Variants in EVL observed in about 807,000 individuals in gnomAD.
The protein encoded by EVL is ena/VASP-like protein.
A neutral mutation model predicts 59.6 loss-of-function variants in EVL; 21 were observed. The observed-to-expected ratio is 0.35, with a 90% CI of 0.25 to 0.51. EVL has a LOEUF of 0.51. Ranked by LOEUF, EVL falls within the 20% of genes least tolerant of loss-of-function variation. The pLI is 0.97. For missense variants in EVL, 462 were observed against 546.6 expected (o/e 0.85, Z 1.54); for synonymous variants, 198 against 203.5 (o/e 0.97, Z 0.23).
chr14:99,981,171 G>A (rs1595539428), intron 1 of EVL, among the ~76,000 whole-genome samples: 2 of 152,130 alleles, frequency 1.3e-5, no homozygotes, highest in South Asian at 2.1e-4. Flanking sequence ...ACTCACACCT[G>A]TAATCCCAGC....
chr14:99,988,378 G>A (rs966340204), intron 1 of EVL, among the ~76,000 whole-genome samples: 1 of 152,148 alleles, frequency 6.6e-6, no homozygotes, highest in Admixed American at 6.5e-5. Context: ...TCACTAGGAT[G>A]GTTTGAATAA....
chr14:100,123,164 G>A (rs1405974326), intron 3 of EVL, among the ~76,000 whole-genome samples: 1 of 152,222 alleles, frequency 6.6e-6, no homozygotes, highest in Non-Finnish European at 1.5e-5. Flanking sequence ...GAACATCCTG[G>A]TGGGATGTAA....
At chr14:100,088,785 G>A (rs965868341) in intron 2 of EVL, among the ~76,000 whole-genome samples, 7 of 152,130 alleles carry the variant, frequency 4.6e-5, no homozygotes, top group African/African-American at 1.7e-4. Flanking sequence ...TTGTGTAAAC[G>A]TTGTAATTAT....
intron 1 of EVL, among the ~76,000 whole-genome samples, chr14:99,994,939 A>G (rs371201351): frequency 6.6e-5 from 10 of 152,096 alleles, no homozygotes; most frequent in African/African-American, 2.4e-4. Flanking sequence ...TTTGACAGTT[A>G]TTTTTTCCTT....
intron 3 of EVL, among the ~76,000 whole-genome samples, chr14:100,099,281 G>A (rs58497559): frequency 0.026 from 4,006 of 152,060 alleles, 171 homozygotes; most frequent in African/African-American, 0.091. Context: ...TGTGGTGCAT[G>A]CCTGCAATTC....
chr14:100,129,600 C>A lies in EVL; in HGVS notation c.755C>A (p.Thr252Asn). The change falls in exon 7 of 14, where the codon ACC becomes AAC. Residue 252 changes from threonine (T) to asparagine (N), a missense_variant. Thr to Asn is a moderately conservative substitution (Grantham distance 65, BLOSUM62 0). Coordinates refer to ENST00000392920, the MANE Select transcript of EVL (RefSeq NM_016337.3). ...TCTGGAGGCTCCAGTCCCAGTGGGA[C>A]CTCAAAGTCCGATGCCAACCGGGCA... ...DASGGSSPSG[T>N]SKSDANRASS... 2 of 1,613,702 alleles carry A rather than the reference C, an allele frequency of 1.2e-6. No individual in the cohort carries two copies. Among genetic ancestry groups the A allele is most frequent in the Non-Finnish European group, 1.7e-6 (2 of 1,179,908 alleles).
At chr14:100,080,134 G>A (rs948384439) in intron 1 of EVL, among the ~76,000 whole-genome samples, 2 of 151,818 alleles carry the variant, frequency 1.3e-5, no homozygotes, top group African/African-American at 4.8e-5. Context: ...TACAGCAGGG[G>A]TGTCCGATCT....
chr14:100,130,767 G>A lies in EVL; in HGVS notation c.839+1083G>A, dbSNP rs1231919247. 6.6e-6 allele frequency among the ~76,000 whole-genome samples: 1 copy of A among 152,238 alleles called. No individual in the cohort carries two copies. The highest frequency in any genetic ancestry group is 2.4e-5 in the African/African-American group (1 of 41,464). ...GGGCTCTTTGCTTGCATCACAGATG[G>A]CAGGGAGGGGAGGCTCCCCGTGTGT... On this transcript the variant is annotated intron_variant, in intron 7 of 13. Transcript: ENST00000392920. The surrounding 1 kb of genome is among the most constrained non-coding windows in gnomAD (Gnocchi z 4.8).
intron 1 of EVL, among the ~76,000 whole-genome samples, chr14:100,016,036 A>C (rs1462608148): frequency 6.6e-6 from 1 of 150,754 alleles, no homozygotes; most frequent in African/African-American, 2.4e-5. Flanking sequence ...CTGAGATTGC[A>C]CCACTGCGCT....
intron 1 of EVL, among the ~76,000 whole-genome samples, chr14:100,005,163 A>T (rs189956255): frequency 6.8e-4 from 103 of 152,294 alleles, no homozygotes; most frequent in African/African-American, 2.4e-3. Flanking sequence ...GTCCTTGTTC[A>T]TTGCTGAGCA....
chr14:100,101,333 A>T (rs1332613948), intron 3 of EVL, among the ~76,000 whole-genome samples: 1 of 152,154 alleles, frequency 6.6e-6, no homozygotes, highest in Non-Finnish European at 1.5e-5. Flanking sequence ...TAAAAATATA[A>T]AATTAGGCAT....
intron 1 of EVL, among the ~76,000 whole-genome samples, chr14:100,045,367 A>G (rs1595087222): frequency 6.6e-6 from 1 of 152,074 alleles, no homozygotes; most frequent in Non-Finnish European, 1.5e-5. Context: ...GCCACACTTT[A>G]TCAGATATCT....
chr14:100,112,186 C>T (rs527492516), intron 3 of EVL, among the ~76,000 whole-genome samples: 60 of 152,282 alleles, frequency 3.9e-4, no homozygotes, highest in Admixed American at 7.2e-4. Context: ...TAGATAACTC[C>T]GGAGACTCAG....
intron 1 of EVL, among the ~76,000 whole-genome samples, chr14:100,047,854 A>AGTCC: frequency 6.6e-6 from 1 of 152,304 alleles, no homozygotes; most frequent in East Asian, 1.9e-4. Context: ...AAAGGTAAAA[A>AGTCC]GTCCGTTCAG....
intron 1 of EVL, among the ~76,000 whole-genome samples, chr14:100,074,048 TAGAGGAAA>T (rs1324692329): frequency 2.6e-5 from 4 of 151,988 alleles, no homozygotes; most frequent in Non-Finnish European, 5.9e-5. Flanking sequence ...GAGTAGAGGC[TAGAGGAAA>T]GCACAGGAGC....
intron 1 of EVL, among the ~76,000 whole-genome samples, chr14:100,014,918 A>AT (rs2061039650): frequency 6.6e-6 from 1 of 152,234 alleles, no homozygotes; most frequent in Non-Finnish European, 1.5e-5. Context: ...AAAGAATAGT[A>AT]TTTTTAGTCA....
rs1166086013 is a variant in EVL, at chr14:100,109,240, G to A, written c.358+11582G>A. Reference sequence around the variant, plus strand: ...ACCTTCTCTTGTCCTTCTTCAGTCTGTCCTCCCTGGGCTGCGTCTAAAGGG... The same window carrying A: ...ACCTTCTCTTGTCCTTCTTCAGTCTATCCTCCCTGGGCTGCGTCTAAAGGG... On this transcript the variant is annotated intron_variant, in intron 3 of 13. Coordinates refer to ENST00000392920, the MANE Select transcript of EVL (RefSeq NM_016337.3). The surrounding 1 kb of genome is among the most constrained non-coding windows in gnomAD (Gnocchi z 4.3). Among the ~76,000 whole-genome samples the A allele has an allele frequency of 1.3e-5, 2 of 152,194 alleles. No individual in the cohort carries two copies. The highest frequency in any genetic ancestry group is 2.9e-5 in the Non-Finnish European group (2 of 68,032).
chr14:99,976,748 C>T (rs2060773006), intron 1 of EVL, among the ~76,000 whole-genome samples: 1 of 152,136 alleles, frequency 6.6e-6, no homozygotes, highest in Non-Finnish European at 1.5e-5. Context: ...TGAAGACAAA[C>T]CTGTTCTGTT....
At chr14:100,004,690 C>T (rs926956890) in intron 1 of EVL, among the ~76,000 whole-genome samples, 1 of 152,126 alleles carries the variant, frequency 6.6e-6, no homozygotes, top group Non-Finnish European at 1.5e-5. Context: ...AAGATTGTTT[C>T]TCATATAAAA....
Sources: allele counts gnomAD v4.1 joint callset (sites outside exome capture counted in the v4.1 genomes callset), GRCh38; gene constraint gnomAD v4.1.1; non-coding constraint Gnocchi (gnomAD v3.1); transcripts MANE v1.5; gene names NCBI Gene and HGNC (gene_info 2026-07-23, HGNC 2026-07-21).